The following GABRG2 variants were observed in gnomAD, a reference collection of about 807,000 sequenced individuals.
GABRG2 encodes gamma-aminobutyric acid receptor subunit gamma-2.
In GABRG2, 16 loss-of-function variants were observed where a neutral mutation model predicts 56.4. The ratio of observed to expected loss-of-function variants is 0.28; its 90% confidence interval spans 0.19 to 0.43. GABRG2 has a LOEUF of 0.43. Among genes scored for constraint, GABRG2 ranks in the 20% least tolerant of loss-of-function variants. The pLI is 1.00. For synonymous variants in GABRG2, 208 were observed against 205.5 expected, an observed-to-expected ratio of 1.01 and a Z score of -0.10; for missense variants, 327 against 582.7, an observed-to-expected ratio of 0.56 and a Z score of 4.52.
rs1381059281 is a variant in GABRG2 at position 162,153,440 on chromosome 5, T to C, written c.*72T>C. ...GGAGAGATGTCTGTTCTAAGTCCAC[T>C]TAAATAATCCTCTATGTGGTTGATA... On this transcript the variant is annotated 3_prime_UTR_variant, in exon 10 of 10. Coordinates refer to ENST00000639213, the MANE Select transcript of GABRG2 (RefSeq NM_198904.4). 6.6e-7 allele frequency: 1 copy of C among 1,506,170 alleles called. No individual in the cohort carries two copies. Among genetic ancestry groups the C allele is most frequent in the Non-Finnish European group, 9.2e-7 (1 of 1,082,976 alleles). 93.3% of individuals were successfully genotyped at this position (1,506,170 alleles called of 1,614,324 possible).
At chr5:162,144,669 C>A (rs1764826277) in intron 7 of GABRG2, among the ~76,000 whole-genome samples, 1 of 152,152 alleles carries the variant, frequency 6.6e-6, no homozygotes, top group African/African-American at 2.4e-5. Flanking sequence ...TAGATGACAT[C>A]CACAAAGTCA....
chr5:162,153,379 G>A lies in GABRG2; in HGVS notation c.*11G>A, dbSNP rs754658882. On this transcript the variant is annotated 3_prime_UTR_variant, in exon 10 of 10. Coordinates refer to ENST00000639213, the MANE Select transcript of GABRG2 (RefSeq NM_198904.4). ...TACCTCTACCTGTGAGGAGGTATGG[G>A]TTTTACTGATATGGTTCTTATTCAC... is the stretch of plus-strand genomic sequence containing the variant. 1.2e-6 allele frequency: 2 copies of A among 1,613,740 alleles called. No homozygotes were observed. Among genetic ancestry groups the A allele is most frequent in the Admixed American group, 3.3e-5 (2 of 59,988 alleles).
chr5:162,079,907 G>A (rs1387358077), intron 1 of GABRG2, among the ~76,000 whole-genome samples: 2 of 152,124 alleles, frequency 1.3e-5, no homozygotes, highest in African/African-American at 4.8e-5. Flanking sequence ...AGCCTCCTGA[G>A]TAGCTGAGAT....
At chr5:162,106,384 A>G (rs1435249275) in intron 6 of GABRG2, among the ~76,000 whole-genome samples, 2 of 152,008 alleles carry the variant, frequency 1.3e-5, no homozygotes, top group African/African-American at 2.4e-5. Context: ...TACTATTTCA[A>G]CGGGCTCGGT....
chr5:162,124,144 G>A (rs1244328665), intron 6 of GABRG2, among the ~76,000 whole-genome samples: 1 of 151,768 alleles, frequency 6.6e-6, no homozygotes, highest in African/African-American at 2.4e-5. Context: ...GAAAAAAGGG[G>A]CATTTAGGCC....
intron 6 of GABRG2, 143 bp from the exon 7 acceptor site, chr5:162,142,021 C>T (rs753166210): frequency 3.8e-5 from 40 of 1,049,550 alleles, no homozygotes; most frequent in Non-Finnish European, 4.8e-5. Context: ...TTAACCCAAG[C>T]GGGCAAAAAT....
At chr5:162,075,993 A>G (rs1270569001) in intron 1 of GABRG2, among the ~76,000 whole-genome samples, 2 of 151,764 alleles carry the variant, frequency 1.3e-5, no homozygotes, top group East Asian at 3.9e-4. Flanking sequence ...TTTCAAGAAA[A>G]AAAAAAAAAT....
chr5:162,126,502 T>G (rs947290491), intron 6 of GABRG2, among the ~76,000 whole-genome samples: 1 of 151,950 alleles, frequency 6.6e-6, no homozygotes, highest in Admixed American at 6.6e-5. Flanking sequence ...AGTTAAAACT[T>G]TGGGAAAGGC....
At chr5:162,149,425 A>G (rs764684425) in intron 8 of GABRG2, 112 bp downstream of exon 8, 1 of 965,950 alleles carries the variant, frequency 1.0e-6, no homozygotes, top group Non-Finnish European at 1.6e-6. Flanking sequence ...CAAGATGAAA[A>G]CAGCATGTAT....
At chr5:162,129,005 C>T (rs1763532607) in intron 6 of GABRG2, among the ~76,000 whole-genome samples, 1 of 151,946 alleles carries the variant, frequency 6.6e-6, no homozygotes. Context: ...CTATTATATA[C>T]TTTCTTTTTT....
intron 1 of GABRG2, among the ~76,000 whole-genome samples, chr5:162,068,490 C>G (rs1349368453): frequency 6.8e-6 from 1 of 146,114 alleles, no homozygotes; most frequent in East Asian, 2.1e-4. Context: ...GAGAAATTTA[C>G]AAATGGGTCC....
At chr5:162,135,236 G>A (rs1764038032) in intron 6 of GABRG2, among the ~76,000 whole-genome samples, 1 of 150,800 alleles carries the variant, frequency 6.6e-6, no homozygotes, top group African/African-American at 2.4e-5. Context: ...TTTTTTCTTG[G>A]CAAGCATTTA....
chr5:162,128,689 A>T (rs1561654034), intron 6 of GABRG2, among the ~76,000 whole-genome samples: 1 of 152,088 alleles, frequency 6.6e-6, no homozygotes, highest in East Asian at 1.9e-4. Context: ...GGCAGGATGA[A>T]AAGCAAGGGG....
At chr5:162,071,734 T>C (rs553530071) in intron 1 of GABRG2, among the ~76,000 whole-genome samples, 2 of 152,084 alleles carry the variant, frequency 1.3e-5, no homozygotes, top group South Asian at 4.1e-4. Context: ...TGTCATTTCC[T>C]GTCTTTCTAA....
At chr5:162,141,893 A>G (rs757456541) in intron 6 of GABRG2, among the ~76,000 whole-genome samples, 2 of 152,172 alleles carry the variant, frequency 1.3e-5, no homozygotes, top group Non-Finnish European at 2.9e-5. Flanking sequence ...AAAGGACGTC[A>G]GAAAGCACAG....
chr5:162,091,773 C>T (rs758498366), intron 1 of GABRG2, among the ~76,000 whole-genome samples: 39 of 152,052 alleles, frequency 2.6e-4, no homozygotes, highest in Non-Finnish European at 4.7e-4. Context: ...ATAGTAATAA[C>T]GGTAATACAG....
At chr5:162,092,631 CT>C (rs1276327293) in intron 1 of GABRG2, among the ~76,000 whole-genome samples, 1 of 152,006 alleles carries the variant, frequency 6.6e-6, no homozygotes, top group Non-Finnish European at 1.5e-5. Context: ...TGTATATATA[CT>C]TGATGACCGA....
At chr5:162,105,848 G>A (rs1054145451) in intron 6 of GABRG2, among the ~76,000 whole-genome samples, 8 of 115,292 alleles carry the variant, frequency 6.9e-5, no homozygotes, top group South Asian at 2.8e-4. Context: ...CACACACCAC[G>A]TAAAATTAAT....
At chr5:162,068,633 A>T (rs754000406) in intron 1 of GABRG2, among the ~76,000 whole-genome samples, 4 of 152,126 alleles carry the variant, frequency 2.6e-5, no homozygotes, top group African/African-American at 4.8e-5. Flanking sequence ...TTTTGCATCC[A>T]GTCCCATTGA....
Sources: gnomAD v4.1 joint callset for allele counts (sites outside exome capture counted in the v4.1 genomes callset) on GRCh38, gnomAD v4.1.1 for gene constraint, MANE v1.5 for transcripts, NCBI Gene and HGNC (gene_info 2026-07-23, HGNC 2026-07-21) for gene names.